HS6ST3: variants seen among roughly 807,000 people sequenced by gnomAD.
HS6ST3 encodes the protein heparan sulfate 6-O-sulfotransferase 3, also known as heparan-sulfate 6-O-sulfotransferase 3.
HS6ST3 carries 12 observed loss-of-function variants against 36.7 expected under a neutral mutation model. That is an observed-to-expected ratio of 0.33 (90% CI 0.21 to 0.53). The LOEUF (loss-of-function observed/expected upper bound fraction) is 0.53, where lower values mean the gene tolerates loss of function less well. HS6ST3 is among the 20% of genes least tolerant of loss of function. The pLI, the probability that HS6ST3 is intolerant of heterozygous loss-of-function variation, is 0.95. For synonymous variants in HS6ST3, 240 were observed against 257.5 expected (o/e 0.93, Z 0.65); for missense variants, 584 against 640.9 (o/e 0.91, Z 0.96).
In HS6ST3 at chr13:96,673,615, G is replaced by A. The variant is rs545009949; in HGVS notation, c.708-158875G>A. Among the ~76,000 whole-genome samples, 97 of 152,040 alleles carry A rather than the reference G, an allele frequency of 6.4e-4. 1 individual carries two copies. Among genetic ancestry groups the A allele is most frequent in the African/African-American group, 2.3e-3 (96 of 41,476 alleles). On this transcript the variant is annotated intron_variant, in intron 1 of 1. Transcript: ENST00000376705. ...GTTCTCTTTTTAAAGAATTCCTCTA[G>A]TCAGTTGTCGTTTTTCCTGGGTTCT...
chr13:96,526,478 C>A (rs139447789), intron 1 of HS6ST3, among the ~76,000 whole-genome samples: 587 of 152,244 alleles, frequency 3.9e-3, no homozygotes, highest in Non-Finnish European at 6.6e-3. Flanking sequence ...TGCTTACCTC[C>A]TTGTTCTAAT....
At chr13:96,166,578 T>TCTTTC (rs1475680112) in intron 1 of HS6ST3, among the ~76,000 whole-genome samples, 1 of 148,418 alleles carries the variant, frequency 6.7e-6, no homozygotes, top group African/African-American at 2.5e-5. Flanking sequence ...TTTCTTTCTT[T>TCTTTC]TTTTTTTTTT....
At chr13:96,284,592 T>C (rs1855914612) in intron 1 of HS6ST3, among the ~76,000 whole-genome samples, 1 of 152,174 alleles carries the variant, frequency 6.6e-6, no homozygotes, top group Non-Finnish European at 1.5e-5. Context: ...CCTTTCCCTG[T>C]CCACTGAATC....
intron 1 of HS6ST3, among the ~76,000 whole-genome samples, chr13:96,328,392 G>T (rs1327254427): frequency 6.6e-6 from 1 of 151,756 alleles, no homozygotes; most frequent in African/African-American, 2.4e-5. Context: ...TAGCATGAAG[G>T]GTTGTTGAAT....
At chr13:96,348,909 T>C (rs1156432384) in intron 1 of HS6ST3, among the ~76,000 whole-genome samples, 1 of 152,188 alleles carries the variant, frequency 6.6e-6, no homozygotes, top group Non-Finnish European at 1.5e-5. Context: ...GTTTTACTAA[T>C]CACATCACCA....
At chr13:96,743,380 C>T (rs181942034) in intron 1 of HS6ST3, among the ~76,000 whole-genome samples, 21 of 152,064 alleles carry the variant, frequency 1.4e-4, no homozygotes, top group Non-Finnish European at 2.4e-4. Context: ...CCAATATTGA[C>T]TTGCTGTGGC....
chr13:96,097,413 C>T (rs953104600), intron 1 of HS6ST3, among the ~76,000 whole-genome samples: 4 of 152,008 alleles, frequency 2.6e-5, no homozygotes, highest in African/African-American at 9.7e-5. Context: ...ACCGGCAAAT[C>T]CTAATGTGAT....
At chr13:96,666,767 A>G (rs545605839) in intron 1 of HS6ST3, among the ~76,000 whole-genome samples, 3 of 152,152 alleles carry the variant, frequency 2.0e-5, no homozygotes, top group Non-Finnish European at 4.4e-5. Context: ...TAAAATAGTT[A>G]TATTTTATGC....
intron 1 of HS6ST3, among the ~76,000 whole-genome samples, chr13:96,288,190 C>T (rs2054813010): frequency 6.6e-6 from 1 of 152,034 alleles, no homozygotes; most frequent in Admixed American, 6.6e-5. Context: ...TGATGTAATC[C>T]CTCTCTGAAC....
intron 1 of HS6ST3, among the ~76,000 whole-genome samples, chr13:96,754,981 T>C (rs1351919426): frequency 1.3e-5 from 2 of 152,160 alleles, no homozygotes; most frequent in African/African-American, 2.4e-5. Context: ...TTGGTATATT[T>C]CCTTCTTACT....
chr13:96,390,908 A>G (rs1271576001), intron 1 of HS6ST3, among the ~76,000 whole-genome samples: 2 of 152,172 alleles, frequency 1.3e-5, no homozygotes, highest in African/African-American at 2.4e-5. Flanking sequence ...CAAACACTCC[A>G]TAGCTTAAAA....
At position 96,118,752 on chromosome 13, in the gene HS6ST3, G is replaced by A. The variant is rs1463556723; in HGVS notation, c.707+27183G>A. On this transcript the variant is annotated intron_variant, in intron 1 of 1. Coordinates refer to ENST00000376705, the MANE Select transcript of HS6ST3 (RefSeq NM_153456.4). The stretch of plus-strand genomic sequence containing the variant: ...GGAGTCTCGCTCTGTCGCCCAGGCC[G>A]GACTGCGGACTGCAGTGGCGCAATC... 1.5e-4 allele frequency among the ~76,000 whole-genome samples: 18 copies of A among 119,458 alleles called. No individual in the cohort carries two copies. In the Admixed American group the frequency reaches 1.6e-3, roughly 11 times the overall value. The allele number at this position is 119,458 out of a possible 152,430, so 78.4% of individuals were successfully genotyped here. A position where few individuals can be genotyped will look rare whatever the true frequency, so the allele number is the denominator to read the frequency against.
chr13:96,314,028 C>G (rs1456887853), intron 1 of HS6ST3, among the ~76,000 whole-genome samples: 1 of 152,070 alleles, frequency 6.6e-6, no homozygotes, highest in Non-Finnish European at 1.5e-5. Context: ...TGACAAAACC[C>G]CATCTCTACC....
intron 1 of HS6ST3, among the ~76,000 whole-genome samples, chr13:96,224,774 G>A (rs891581214): frequency 2.0e-5 from 3 of 152,206 alleles, no homozygotes; most frequent in African/African-American, 7.2e-5. Flanking sequence ...CCACCTAATT[G>A]TTTCATGATG....
At chr13:96,731,642 T>G (rs1397963572) in intron 1 of HS6ST3, among the ~76,000 whole-genome samples, 1 of 151,958 alleles carries the variant, frequency 6.6e-6, no homozygotes, top group Non-Finnish European at 1.5e-5. Context: ...ATATGGTAGT[T>G]CAATTTTTAG....
chr13:96,483,580 T>G (rs1457354957), intron 1 of HS6ST3, among the ~76,000 whole-genome samples: 5 of 152,164 alleles, frequency 3.3e-5, no homozygotes. Context: ...GAATAAAGAG[T>G]GCTTTCAGAA....
intron 1 of HS6ST3, among the ~76,000 whole-genome samples, chr13:96,817,301 A>G (rs1878442965): frequency 6.6e-6 from 1 of 152,110 alleles, no homozygotes. Context: ...CAGTGTTGGG[A>G]TTTTTTATGC....
intron 1 of HS6ST3, among the ~76,000 whole-genome samples, chr13:96,490,949 C>T (rs977744952): frequency 6.6e-6 from 1 of 152,210 alleles, no homozygotes; most frequent in African/African-American, 2.4e-5. Flanking sequence ...CACGCAAGAA[C>T]CTTTTCTGCT....
chr13:96,373,457 GA>G (rs1419092278), intron 1 of HS6ST3, among the ~76,000 whole-genome samples: 2 of 152,166 alleles, frequency 1.3e-5, no homozygotes, highest in Non-Finnish European at 2.9e-5. Flanking sequence ...GGATTTTCGT[GA>G]TGTATCATTT....
Sources: allele counts gnomAD v4.1 joint callset (sites outside exome capture counted in the v4.1 genomes callset), GRCh38; gene constraint gnomAD v4.1.1; transcripts MANE v1.5; gene names NCBI Gene and HGNC (gene_info 2026-07-23, HGNC 2026-07-21).